The following MYOM2 variants were observed in gnomAD, a reference collection of about 807,000 sequenced individuals.
MYOM2 encodes myomesin-2.
A neutral mutation model predicts 187.6 loss-of-function variants in MYOM2; 254 were observed. The ratio of observed to expected loss-of-function variants is 1.35; its 90% CI spans 1.22 to 1.50. MYOM2 has a LOEUF of 1.50. MYOM2 is among the 40% of genes most tolerant of loss of function. The pLI is 0.00. For missense variants in MYOM2, 2,796 were observed against 1,924.0 expected (o/e 1.45, Z -8.48); for synonymous variants, 981 against 753.8 (o/e 1.30, Z -4.94).
intron 14 of MYOM2, among the ~76,000 whole-genome samples, chr8:2,086,729 C>T (rs983032838): frequency 2.0e-5 from 3 of 152,210 alleles, no homozygotes; most frequent in African/African-American, 7.2e-5. Flanking sequence ...TGGGCGCCCG[C>T]GTTCTTCACT....
rs149821806 is a variant in MYOM2, at chr8:2,090,875, C to T, written c.1828+684C>T. 1.8e-3 allele frequency among the ~76,000 whole-genome samples: 270 copies of T among 152,306 alleles called. 3 individuals carry two copies. The East Asian group carries it at 0.042, about 24-fold the overall frequency. ...TTCTCTATCCAATGTCATTGACAGG[C>T]ATTTGGGTTGATTCCATGTCTTGGC... On this transcript the variant is annotated intron_variant, in intron 15 of 36. Transcript: ENST00000262113.
intron 32 of MYOM2, among the ~76,000 whole-genome samples, chr8:2,130,638 C>G (rs533225263): frequency 3.9e-5 from 6 of 152,300 alleles, no homozygotes; most frequent in Non-Finnish European, 4.4e-5. Flanking sequence ...ATAATGGAGT[C>G]AGTACATCTG....
chr8:2,142,644 C>G (rs1798312627), intron 35 of MYOM2, among the ~76,000 whole-genome samples: 2 of 151,444 alleles, frequency 1.3e-5, no homozygotes, highest in Non-Finnish European at 2.9e-5. Flanking sequence ...CTTGCAGAAC[C>G]TGCAGCCCAG....
At chr8:2,052,812 G>C (rs1818537336) in intron 3 of MYOM2, among the ~76,000 whole-genome samples, 1 of 152,244 alleles carries the variant, frequency 6.6e-6, no homozygotes, top group African/African-American at 2.4e-5. Context: ...ATCTTCCTAA[G>C]CGGGAGCCAG....
At chr8:2,083,496 C>T (rs556050371) in intron 13 of MYOM2, among the ~76,000 whole-genome samples, 1 of 151,984 alleles carries the variant, frequency 6.6e-6, no homozygotes, top group Admixed American at 6.5e-5. Context: ...AATGGCATCT[C>T]ATGTGTGACT....
chr8:2,056,884 T>C (rs546420311), intron 3 of MYOM2, among the ~76,000 whole-genome samples: 7 of 152,294 alleles, frequency 4.6e-5, no homozygotes, highest in Admixed American at 3.3e-4. Flanking sequence ...TTGCCCTGTC[T>C]TTACTGAGCA....
At position 2,144,771 on chromosome 8, in the gene MYOM2, G is replaced by A. The variant is rs750939896; in HGVS notation, c.4188G>A (p.Glu1396=). ...QLSEHFSVKV[E]QAKYVSMTIK... is the part of the protein sequence containing the mutation. Reference sequence around the variant, plus strand: ...GCGAGCACTTCTCGGTGAAGGTGGAGCAGGCCAAGTACGTCAGCATGACCA... The same window carrying A: ...GCGAGCACTTCTCGGTGAAGGTGGAACAGGCCAAGTACGTCAGCATGACCA... The change falls in exon 37 of 37, where the codon GAG becomes GAA. Residue 1396 remains glutamate, a synonymous_variant. Transcript: ENST00000262113. 1 of 1,614,182 alleles carries A rather than the reference G, an allele frequency of 6.2e-7. No homozygotes were observed. The highest frequency in any genetic ancestry group is 2.2e-5 in the East Asian group (1 of 44,870).
chr8:2,060,024 G>A (rs543744400), intron 6 of MYOM2, among the ~76,000 whole-genome samples: 2 of 152,358 alleles, frequency 1.3e-5, no homozygotes, highest in African/African-American at 4.8e-5. Flanking sequence ...TTATAGGCAT[G>A]AGCCACTGCC....
chr8:2,116,379 A>G, intron 27 of MYOM2, 104 bp downstream of exon 27: 1 of 1,132,848 alleles, frequency 8.8e-7, no homozygotes, highest in East Asian at 2.6e-5. Flanking sequence ...GCAACCCTAA[A>G]GGCTGTTTTA....
At chr8:2,112,837 G>C (rs568646039) in intron 25 of MYOM2, among the ~76,000 whole-genome samples, 6 of 152,362 alleles carry the variant, frequency 3.9e-5, no homozygotes, top group Admixed American at 3.9e-4. Context: ...CCTGCAGATA[G>C]AAATTCTCTG....
chr8:2,076,357 T>A, intron 11 of MYOM2, 75 bp downstream of exon 11: 2 of 1,536,650 alleles, frequency 1.3e-6, no homozygotes, highest in South Asian at 1.2e-5. Context: ...ATTGAGAAAT[T>A]TTTCTCAATG....
At chr8:2,073,667 C>T (rs1190444212) in intron 10 of MYOM2, among the ~76,000 whole-genome samples, 167 bp downstream of exon 10, 1 of 152,226 alleles carries the variant, frequency 6.6e-6, no homozygotes, top group Non-Finnish European at 1.5e-5. Context: ...ATGGGCACGC[C>T]AGGTGCTTCC....
At position 2,143,502 on chromosome 8, in the gene MYOM2, G is replaced by C. The variant is rs769067630; in HGVS notation, c.4080+46G>C. 9 of 1,608,102 alleles carry C rather than the reference G, an allele frequency of 5.6e-6. No individual in the cohort carries two copies. The East Asian group carries it at 2.0e-4, about 36-fold the overall frequency. On this transcript the variant is annotated intron_variant, in intron 36 of 36. Coordinates refer to ENST00000262113, the MANE Select transcript of MYOM2 (RefSeq NM_003970.4). ...CGGGGTGGGGGTGTCAGCACGGTGC[G>C]ATGGACGCAACCCCTTCTCTTGGGG...
intron 1 of MYOM2, among the ~76,000 whole-genome samples, chr8:2,050,361 T>G (rs1267364393): frequency 6.6e-6 from 1 of 152,242 alleles, no homozygotes; most frequent in African/African-American, 2.4e-5. Flanking sequence ...CTCTTGGCTC[T>G]TATCGTATGT....
chr8:2,135,953 A>G (rs1798054035), intron 32 of MYOM2, among the ~76,000 whole-genome samples: 1 of 152,002 alleles, frequency 6.6e-6, no homozygotes, highest in Non-Finnish European at 1.5e-5. Context: ...TGAAGCTGGG[A>G]GTGGGAAGCT....
chr8:2,089,931 G>A (rs1796238019), intron 14 of MYOM2, 77 bp from the exon 15 acceptor site: 27 of 1,415,712 alleles, frequency 1.9e-5, no homozygotes, highest in South Asian at 7.6e-5. Context: ...CGAGAACAGA[G>A]CATTTCTTCC....
Position 2,096,439 on chromosome 8 carries a change from G to C in MYOM2, c.2313+5G>C. On this transcript the variant is annotated splice_donor_5th_base_variant and intron_variant, in intron 18 of 36. Coordinates refer to ENST00000262113, the MANE Select transcript of MYOM2 (RefSeq NM_003970.4). ...AGCAAACCGACAATCCTAACGGTCAGTTGGTTTTTATTCCTTCGTCTATTT... is the reference window on the plus strand; with the variant it reads ...AGCAAACCGACAATCCTAACGGTCACTTGGTTTTTATTCCTTCGTCTATTT... The C allele has an allele frequency of 6.2e-7, 1 of 1,613,320 alleles. No homozygotes were observed. The highest frequency in any genetic ancestry group is 1.1e-5 in the South Asian group (1 of 90,898).
chr8:2,136,799 A>C (rs888947942), intron 32 of MYOM2, among the ~76,000 whole-genome samples: 1 of 152,188 alleles, frequency 6.6e-6, no homozygotes, highest in South Asian at 2.1e-4. Context: ...TCTGTAAGCA[A>C]GTTGCTAATT....
chr8:2,058,811 C>T (rs1404535863), intron 5 of MYOM2, among the ~76,000 whole-genome samples: 1 of 152,212 alleles, frequency 6.6e-6, no homozygotes, highest in Non-Finnish European at 1.5e-5. Flanking sequence ...CTCCCTGAGA[C>T]ACTAGCTACA....
Sources: allele counts gnomAD v4.1 joint callset (sites outside exome capture counted in the v4.1 genomes callset), GRCh38; gene constraint gnomAD v4.1.1; transcripts MANE v1.5; gene names NCBI Gene and HGNC (gene_info 2026-07-23, HGNC 2026-07-21).